TYW1: variants seen among roughly 807,000 people sequenced by gnomAD.
TYW1 encodes S-adenosyl-L-methionine-dependent tRNA 4-demethylwyosine synthase TYW1.
Under a neutral mutation model 96.2 loss-of-function variants are expected in TYW1, and 46 were observed. The observed-to-expected ratio is 0.48, with a 90% confidence interval of 0.38 to 0.61. TYW1 has a LOEUF of 0.61. Ranked by LOEUF, TYW1 falls within the 20% of genes least tolerant of loss-of-function variation. The pLI, the probability that TYW1 is intolerant of heterozygous loss-of-function variation, is 0.00. For missense variants in TYW1, 684 were observed against 909.6 expected (o/e 0.75, Z 3.19); for synonymous variants, 274 against 323.0 (o/e 0.85, Z 1.63).
intron 9 of TYW1, among the ~76,000 whole-genome samples, chr7:67,064,504 A>G (rs3933165): frequency 0.03 from 4,596 of 152,316 alleles, 81 homozygotes; most frequent in Non-Finnish European, 0.042. Context: ...AAGAGGTTCA[A>G]TTGGACTTAC....
At chr7:67,030,492 C>T (rs1385394647) in intron 7 of TYW1, among the ~76,000 whole-genome samples, 7 of 152,118 alleles carry the variant, frequency 4.6e-5, no homozygotes, top group South Asian at 4.2e-4. Flanking sequence ...ATTAGCTGGG[C>T]GTAGTGGTAC....
chr7:67,218,946 G>A (rs1434074304), intron 15 of TYW1, among the ~76,000 whole-genome samples: 3 of 152,118 alleles, frequency 2.0e-5, no homozygotes, highest in Non-Finnish European at 4.4e-5. Flanking sequence ...TATTTTGAAC[G>A]AAAGTAGTGA....
At chr7:67,058,063 T>C (rs557957952) in intron 9 of TYW1, among the ~76,000 whole-genome samples, 40 of 152,120 alleles carry the variant, frequency 2.6e-4, no homozygotes, top group African/African-American at 9.6e-4. Flanking sequence ...GCCTCCCGAG[T>C]AGCTGGGACT....
intron 5 of TYW1, among the ~76,000 whole-genome samples, chr7:67,016,767 A>G (rs1794038785): frequency 6.6e-6 from 1 of 151,868 alleles, no homozygotes; most frequent in Non-Finnish European, 1.5e-5. Context: ...AGCTGGGACC[A>G]CAGGCGCCCA....
chr7:67,134,410 G>A (rs192745409), intron 13 of TYW1, among the ~76,000 whole-genome samples: 11 of 138,686 alleles, frequency 7.9e-5, no homozygotes, highest in African/African-American at 2.1e-4. Context: ...TGGCATGGTG[G>A]CAGGCGCCTG....
At chr7:67,210,919 A>ACCATCCATCCAT (rs57804156) in intron 15 of TYW1, among the ~76,000 whole-genome samples, 7 of 130,246 alleles carry the variant, frequency 5.4e-5, no homozygotes, top group Admixed American at 7.4e-5. Flanking sequence ...CATCTATCCA[A>ACCATCCATCCAT]CCATCCATCC....
rs35144189 is a variant in TYW1 at position 67,143,054 on chromosome 7, C to CA, written c.1698+25450dup. On this transcript the variant is annotated intron_variant, in intron 13 of 15. Coordinates refer to ENST00000359626, the MANE Select transcript of TYW1 (RefSeq NM_018264.4). ...GAACAACAGGAGCAAAACTCCATCT[C>CA]AAAAAAAAAAAAAAGTTTAAAATTA... Among the ~76,000 whole-genome samples, 434 of 136,272 alleles carry CA rather than the reference C, an allele frequency of 3.2e-3. 1 individual carries two copies. Among genetic ancestry groups the CA allele is most frequent in the Admixed American group, 4.6e-3 (62 of 13,550 alleles). The allele number at this position is 136,272 out of a possible 152,430, so 89.4% of individuals were successfully genotyped here.
chr7:67,108,868 A>G (rs888859962), intron 12 of TYW1, among the ~76,000 whole-genome samples: 5 of 152,236 alleles, frequency 3.3e-5, no homozygotes, highest in Non-Finnish European at 7.3e-5. Context: ...TCTGAACACA[A>G]TAGAATTAAA....
intron 13 of TYW1, among the ~76,000 whole-genome samples, chr7:67,162,357 T>C (rs1799189290): frequency 6.7e-6 from 1 of 150,234 alleles, no homozygotes; most frequent in Non-Finnish European, 1.5e-5. Context: ...CCCTGGACTA[T>C]AGAGTTTTTG....
chr7:67,163,825 C>G (rs1349129657), intron 13 of TYW1, among the ~76,000 whole-genome samples: 1 of 152,018 alleles, frequency 6.6e-6, no homozygotes, highest in African/African-American at 2.4e-5. Context: ...TGCGCTACCA[C>G]GTCCAGCTAA....
chr7:67,191,776 A>G (rs1352945662), intron 14 of TYW1, among the ~76,000 whole-genome samples: 1 of 151,780 alleles, frequency 6.6e-6, no homozygotes, highest in East Asian at 1.9e-4. Context: ...CTAAGTCACC[A>G]AGAACATTTT....
At chr7:67,135,302 G>GTTTTTGTTTTT (rs1285318169) in intron 13 of TYW1, among the ~76,000 whole-genome samples, 30 of 111,818 alleles carry the variant, frequency 2.7e-4, no homozygotes, top group African/African-American at 1.1e-3. Context: ...TGTTAAAACA[G>GTTTTTGTTTTT]TTTTTTTTTT....
chr7:67,191,439 T>C (rs1430482392), intron 14 of TYW1, among the ~76,000 whole-genome samples: 2 of 152,064 alleles, frequency 1.3e-5, no homozygotes, highest in Non-Finnish European at 2.9e-5. Flanking sequence ...CAGATTCTGG[T>C]GTGAGTGACT....
At chr7:67,219,886 G>T (rs1584711694) in intron 15 of TYW1, among the ~76,000 whole-genome samples, 3 of 131,828 alleles carry the variant, frequency 2.3e-5, no homozygotes, top group African/African-American at 2.9e-5. Context: ...GTTAATCTCT[G>T]CTCTAATCTT....
chr7:67,098,888 G>T (rs545663768), intron 12 of TYW1, among the ~76,000 whole-genome samples, 170 bp downstream of exon 12: 1 of 152,064 alleles, frequency 6.6e-6, no homozygotes, highest in Non-Finnish European at 1.5e-5. Context: ...GTTCTATTAG[G>T]CACAACAACA....
At chr7:67,093,164 T>TA (rs926094313) in intron 11 of TYW1, among the ~76,000 whole-genome samples, 4 of 151,838 alleles carry the variant, frequency 2.6e-5, no homozygotes, top group African/African-American at 4.8e-5. Context: ...AGACCTTGTC[T>TA]AAAAAAAAGA....
At chr7:67,112,287 A>G (rs1406969617) in intron 12 of TYW1, among the ~76,000 whole-genome samples, 1 of 152,062 alleles carries the variant, frequency 6.6e-6, no homozygotes, top group Non-Finnish European at 1.5e-5. Context: ...CACACATGTA[A>G]TTAGTTCTAC....
At chr7:67,149,736 A>G (rs1414574520) in intron 13 of TYW1, among the ~76,000 whole-genome samples, 2 of 120,678 alleles carry the variant, frequency 1.7e-5, no homozygotes, top group Non-Finnish European at 3.5e-5. Flanking sequence ...CTATCTATCT[A>G]TCTATCTATC....
chr7:66,996,984 T>A lies in TYW1; in HGVS notation c.4+2T>A. 1 of 1,614,052 alleles carries A rather than the reference T, an allele frequency of 6.2e-7. No individual in the cohort carries two copies. Among genetic ancestry groups the A allele is most frequent in the Non-Finnish European group, 8.5e-7 (1 of 1,180,000 alleles). On this transcript the variant is annotated splice_donor_variant, in intron 1 of 15. Transcript: ENST00000359626. LOFTEE classifies it high-confidence loss of function. ...TCCTGTCGGCTCTGAGGAGGATGGG[T>A]AAGGGCACTCGGCGGGCAAGGACCC...
Sources: gnomAD v4.1 joint callset for allele counts (sites outside exome capture counted in the v4.1 genomes callset) on GRCh38, gnomAD v4.1.1 for gene constraint, MANE v1.5 for transcripts, NCBI Gene and HGNC (gene_info 2026-07-23, HGNC 2026-07-21) for gene names.